BPNT1: variants seen among roughly 807,000 people sequenced by gnomAD.
BPNT1 encodes 3'(2'), 5'-bisphosphate nucleotidase 1, also known as 3'(2'),5'-bisphosphate nucleotidase 1.
In BPNT1, 28 loss-of-function variants were observed where a neutral mutation model predicts 36.9. The observed-to-expected ratio is 0.76, with a 90% CI of 0.56 to 1.04. The LOEUF (loss-of-function observed/expected upper bound fraction) is 1.04. Ranked by LOEUF, BPNT1 falls within the 50% of genes least tolerant of loss-of-function variation. BPNT1 has a pLI of 0.00. For synonymous variants in BPNT1, 119 were observed against 130.9 expected (o/e 0.91, Z 0.62); for missense variants, 313 against 372.9 (o/e 0.84, Z 1.32).
chr1:220,072,319 C>T (rs6673800), intron 4 of BPNT1, among the ~76,000 whole-genome samples: 26 of 151,558 alleles, frequency 1.7e-4, no homozygotes, highest in African/African-American at 6.3e-4. Context: ...GCCAAGATCG[C>T]GGCCCTGTAC....
intron 1 of BPNT1, 46 bp downstream of exon 1, chr1:220,089,640 C>T (rs947834745): frequency 6.6e-6 from 1 of 152,258 alleles, no homozygotes; most frequent in Non-Finnish European, 1.5e-5. Context: ...TAAATCCTAT[C>T]TACCTGGCTC....
At chr1:220,078,399 TATAAATAATAATTTATAATA>T (rs1196500301) in intron 2 of BPNT1, among the ~76,000 whole-genome samples, 1 of 141,996 alleles carries the variant, frequency 7.0e-6, no homozygotes, top group Non-Finnish European at 1.5e-5. Flanking sequence ...TATAATTATA[TATAAATAATAATTTATAATA>T]ATAAATAATA....
chr1:220,063,499 G>T (rs1452862619), intron 6 of BPNT1, among the ~76,000 whole-genome samples: 1 of 152,078 alleles, frequency 6.6e-6, no homozygotes, highest in Non-Finnish European at 1.5e-5. Flanking sequence ...ACTGATTTCT[G>T]TTTATAATGT....
intron 2 of BPNT1, among the ~76,000 whole-genome samples, chr1:220,075,840 C>T (rs141040297): frequency 1.3e-5 from 2 of 152,222 alleles, no homozygotes; most frequent in African/African-American, 2.4e-5. Context: ...GAGAATGTTA[C>T]CTTTTTTCCC....
intron 2 of BPNT1, among the ~76,000 whole-genome samples, chr1:220,075,911 T>C (rs1310968040): frequency 6.6e-6 from 1 of 152,288 alleles, no homozygotes; most frequent in African/African-American, 2.4e-5. Context: ...GTATGTCTAA[T>C]ATAACCTCAA....
At chr1:220,076,701 TTAATAATAATAATAA>T (rs144111730) in intron 2 of BPNT1, among the ~76,000 whole-genome samples, 54 of 144,158 alleles carry the variant, frequency 3.7e-4, no homozygotes, top group Non-Finnish European at 6.6e-4. Context: ...AAAAAATAAA[TTAATAATAATAATAA>T]TAATAATAAT....
At chr1:220,064,347 TG>T (rs1297365537) in intron 6 of BPNT1, among the ~76,000 whole-genome samples, 1 of 152,216 alleles carries the variant, frequency 6.6e-6, no homozygotes, top group Non-Finnish European at 1.5e-5. Context: ...GGTCGCAGGT[TG>T]GGTTCCCTGG....
chr1:220,061,212 G>A (rs1662998698), intron 7 of BPNT1, among the ~76,000 whole-genome samples: 1 of 152,128 alleles, frequency 6.6e-6, no homozygotes, highest in Non-Finnish European at 1.5e-5. Context: ...AACTTTTATA[G>A]AGTCATCCTA....
Position 220,069,418 on chromosome 1 carries a change from A to C in BPNT1, c.348T>G (p.Val116=), listed in dbSNP as rs760176397. 6.2e-7 allele frequency: 1 copy of C among 1,604,624 alleles called. No individual in the cohort carries two copies. The change falls in exon 5 of 9, where the codon GTT becomes GTG. Residue 116 remains valine, a synonymous_variant. Transcript: ENST00000322067. ...ATTCCTTGGTTCCATCCAGAGGATC[A>C]ACCCAGACCACGAGCTAAAATTAAA... ...AIKEEDLVVW[V]DPLDGTKEYT...
rs374634264 is a variant in BPNT1, at chr1:220,072,838, T to A, written c.333+12A>T. On this transcript the variant is annotated intron_variant, in intron 4 of 8. Coordinates refer to ENST00000322067, the MANE Select transcript of BPNT1 (RefSeq NM_006085.6). The stretch of plus-strand genomic sequence containing the variant: ...AGGTTAATAGAGAGTTGAGTATAAA[T>A]ATGGGTCATACATCTTCTTCTTTAA... 1.2e-6 allele frequency: 2 copies of A among 1,600,368 alleles called. No homozygotes were observed. Among genetic ancestry groups the A allele is most frequent in the Non-Finnish European group, 1.7e-6 (2 of 1,167,686 alleles).
In BPNT1 at chr1:220,057,952, C is replaced by T. The variant is rs1252213867; in HGVS notation, c.*892G>A. ...CAGCACTTTGGGAGTCCGAGGCAGA[C>T]AGATCACGATGTCAGGAGATCAAGA... is the stretch of plus-strand genomic sequence containing the variant. On this transcript the variant is annotated 3_prime_UTR_variant, in exon 9 of 9. Coordinates refer to ENST00000322067, the MANE Select transcript of BPNT1 (RefSeq NM_006085.6). 1.1e-6 allele frequency: 1 copy of T among 917,716 alleles called. No individual in the cohort carries two copies. The highest frequency in any genetic ancestry group is 1.5e-5 in the South Asian group (1 of 66,988). 56.8% of individuals were successfully genotyped at this position (917,716 alleles called of 1,614,324 possible). A position where few individuals can be genotyped will look rare whatever the true frequency, so the allele number is the denominator to read the frequency against.
intron 6 of BPNT1, chr1:220,066,113 T>C (rs1463339428): frequency 3.3e-5 from 50 of 1,518,184 alleles, no homozygotes; most frequent in Non-Finnish European, 4.2e-5. Flanking sequence ...CTGTTTTTCA[T>C]TGTTCTGTGG....
intron 1 of BPNT1, among the ~76,000 whole-genome samples, chr1:220,088,739 A>T (rs534259451): frequency 6.7e-6 from 1 of 149,730 alleles, no homozygotes; most frequent in Admixed American, 6.7e-5. Context: ...GCAGTGAGAC[A>T]TAATGGCACC....
Position 220,058,663 on chromosome 1 carries a change from C to G in BPNT1, c.*181G>C. The G allele has an allele frequency of 1.3e-6, 1 of 760,858 alleles. No homozygotes were observed. Among genetic ancestry groups the G allele is most frequent in the Non-Finnish European group, 1.9e-6 (1 of 519,590 alleles). The allele number at this position is 760,858 out of a possible 1,614,324, so 47.1% of individuals were successfully genotyped here. A position where few individuals can be genotyped will look rare whatever the true frequency, so the allele number is the denominator to read the frequency against. ...TCTTCTGCTTCAGCCTCTCAAGTAG[C>G]TGGGATGACAGGCGCATGACAGGAT... On this transcript the variant is annotated 3_prime_UTR_variant, in exon 9 of 9. Coordinates refer to ENST00000322067, the MANE Select transcript of BPNT1 (RefSeq NM_006085.6).
At chr1:220,066,041 A>G in intron 6 of BPNT1, 1 of 1,496,614 alleles carries the variant, frequency 6.7e-7, no homozygotes, top group Non-Finnish European at 8.9e-7. Flanking sequence ...TCTACCTACT[A>G]GTGGAGCCAA....
chr1:220,087,264 T>C (rs921523979), intron 1 of BPNT1, among the ~76,000 whole-genome samples: 1 of 152,138 alleles, frequency 6.6e-6, no homozygotes, highest in Non-Finnish European at 1.5e-5. Context: ...TAAATTTGAC[T>C]CTATAAAACT....
chr1:220,078,375 T>C (rs1664760925), intron 2 of BPNT1, among the ~76,000 whole-genome samples: 1 of 142,912 alleles, frequency 7.0e-6, no homozygotes, highest in African/African-American at 2.6e-5. Context: ...TAACTATTAA[T>C]TATATAGAAT....
intron 6 of BPNT1, 78 bp from the exon 7 acceptor site, chr1:220,063,032 T>C: frequency 6.9e-7 from 1 of 1,440,192 alleles, no homozygotes; most frequent in Non-Finnish European, 9.7e-7. Flanking sequence ...TATTCAGTTA[T>C]ATTAGCATCA....
chr1:220,064,948 T>TA (rs1301999343), intron 6 of BPNT1, among the ~76,000 whole-genome samples: 1 of 152,102 alleles, frequency 6.6e-6, no homozygotes, highest in Non-Finnish European at 1.5e-5. Flanking sequence ...GCTGGGATTA[T>TA]AGGTGCATGC....
Sources: allele counts gnomAD v4.1 joint callset (sites outside exome capture counted in the v4.1 genomes callset), GRCh38; gene constraint gnomAD v4.1.1; transcripts MANE v1.5; gene names NCBI Gene and HGNC (gene_info 2026-07-23, HGNC 2026-07-21).